The following HDHD2 variants were observed in gnomAD, a reference collection of about 807,000 sequenced individuals.
The protein encoded by HDHD2 is haloacid dehalogenase-like hydrolase domain-containing protein 2.
Under a neutral mutation model 24.8 loss-of-function variants are expected in HDHD2, and 26 were observed. That is an observed-to-expected ratio of 1.05 (90% CI 0.77 to 1.45). HDHD2 has a LOEUF of 1.45. Among genes scored for constraint, HDHD2 ranks in the 40% most tolerant of loss-of-function variants. The pLI, the probability that HDHD2 is intolerant of heterozygous loss-of-function variation, is 0.00. For missense variants in HDHD2, 299 were observed against 313.4 expected (o/e 0.95, Z 0.35); for synonymous variants, 128 against 114.9 (o/e 1.11, Z -0.73).
rs189316672 is a variant in HDHD2, at chr18:47,110,167, G to A, written c.677-1382C>T. The A allele has an allele frequency of 1.4e-4, 139 of 985,354 alleles. No homozygotes were observed. In the East Asian group the frequency reaches 3.4e-3, roughly 24 times the overall value. 61.0% of individuals were successfully genotyped at this position (985,354 alleles called of 1,614,324 possible). On this transcript the variant is annotated intron_variant, in intron 6 of 6. Transcript: ENST00000300605. ...ACTGTTTTCTACAACTACTTTAAGA[G>A]GCTTTGCCAGACAAACACAAAGCCT...
Position 47,130,308 on chromosome 18 carries a change from T to G in HDHD2, c.331A>C (p.Asn111His), listed in dbSNP as rs757071158. The G allele has an allele frequency of 6.2e-7, 1 of 1,601,724 alleles. No homozygotes were observed. ...GGTGCCAATCCCATGACCACAGCATTAGGATCACTTGTTTGTATTCCTGGG... is the reference window on the plus strand; with the variant it reads ...GGTGCCAATCCCATGACCACAGCATGAGGATCACTTGTTTGTATTCCTGGG... ...DFKGIQTSDP[N>H]AVVMGLAPEH... is the part of the protein sequence containing the mutation. The change falls in exon 4 of 7, where the codon AAT becomes CAT. Residue 111 changes from asparagine to histidine, a missense_variant. Coordinates refer to ENST00000300605, the MANE Select transcript of HDHD2 (RefSeq NM_032124.5).
At position 47,114,589 on chromosome 18, in the gene HDHD2, CA is replaced by C. The variant is rs1187217614; in HGVS notation, c.612+542del. On this transcript the variant is annotated intron_variant, in intron 5 of 6. Transcript: ENST00000300605. ...GGTAAACTGACAAGGTGCTCACGGC[CA>C]CAGGTGACCAGCCAGGGCCTCCAAT... Among the ~76,000 whole-genome samples, 3 of 152,174 alleles carry C rather than the reference CA, an allele frequency of 2.0e-5. No homozygotes were observed. In the East Asian group the frequency reaches 5.8e-4, roughly 29 times the overall value.
At chr18:47,118,018 A>G (rs2063571320) in intron 4 of HDHD2, among the ~76,000 whole-genome samples, 1 of 151,670 alleles carries the variant, frequency 6.6e-6, no homozygotes, top group African/African-American at 2.4e-5. Context: ...AATTACATAT[A>G]TATAATTATA....
intron 1 of HDHD2, among the ~76,000 whole-genome samples, chr18:47,138,874 T>C (rs1296958370): frequency 1.3e-5 from 2 of 152,218 alleles, no homozygotes; most frequent in Non-Finnish European, 2.9e-5. Flanking sequence ...AAGAACAATC[T>C]AAACAGGCCT....
At chr18:47,136,868 T>C in intron 1 of HDHD2, 1 of 387,104 alleles carries the variant, frequency 2.6e-6, no homozygotes, top group Non-Finnish European at 4.7e-6. Context: ...AATGCAAATA[T>C]TCTCATCGCC....
chr18:47,135,571 T>C (rs529019310), intron 2 of HDHD2, among the ~76,000 whole-genome samples: 7 of 152,322 alleles, frequency 4.6e-5, no homozygotes, highest in African/African-American at 1.4e-4. Flanking sequence ...TATGAGTCAC[T>C]AGATTTTCTG....
chr18:47,149,716 C>G (rs1330257302), intron 1 of HDHD2, among the ~76,000 whole-genome samples: 1 of 152,144 alleles, frequency 6.6e-6, no homozygotes, highest in African/African-American at 2.4e-5. Flanking sequence ...GGCGTGCCTC[C>G]TCTGGGTCCA....
In HDHD2 at chr18:47,136,430, A is replaced by ATGC. The variant is rs1009481818; in HGVS notation, c.7_9dup (p.Ala3dup). 1 of 1,612,712 alleles carries ATGC rather than the reference A, an allele frequency of 6.2e-7. No individual in the cohort carries two copies. The highest frequency in any genetic ancestry group is 8.5e-7 in the Non-Finnish European group (1 of 1,179,882). ...ACCAAAACAGCTTTTAATGCACGGCATGCTGCCATCCTTCATTCCCTAGGA... is the reference window on the plus strand; with the variant it reads ...ACCAAAACAGCTTTTAATGCACGGCATGCTGCTGCCATCCTTCATTCCCTAGGA... On this transcript the variant is annotated inframe_insertion, in exon 2 of 7. Transcript: ENST00000300605.
At chr18:47,112,546 T>C (rs1170805599) in intron 6 of HDHD2, among the ~76,000 whole-genome samples, 1 of 152,210 alleles carries the variant, frequency 6.6e-6, no homozygotes, top group Non-Finnish European at 1.5e-5. Context: ...TTCAAATATT[T>C]TTGTAAAAGT....
At chr18:47,123,999 C>T (rs1436812028) in intron 4 of HDHD2, among the ~76,000 whole-genome samples, 1 of 152,126 alleles carries the variant, frequency 6.6e-6, no homozygotes, top group East Asian at 1.9e-4. Context: ...GTATGAATGG[C>T]AAAAGTATAG....
intron 1 of HDHD2, among the ~76,000 whole-genome samples, chr18:47,140,207 T>C (rs1033507874): frequency 6.6e-6 from 1 of 152,224 alleles, no homozygotes; most frequent in Non-Finnish European, 1.5e-5. Context: ...TTTTATATTC[T>C]ACCAAAAGCA....
At chr18:47,148,433 C>T (rs534347017) in intron 1 of HDHD2, among the ~76,000 whole-genome samples, 2 of 152,336 alleles carry the variant, frequency 1.3e-5, no homozygotes, top group South Asian at 4.1e-4. Flanking sequence ...CCATACCCAT[C>T]TCCCATAATC....
At position 47,117,639 on chromosome 18, in the gene HDHD2, A is replaced by T. The variant is rs185082530; in HGVS notation, c.396-2291T>A. 5.9e-5 allele frequency among the ~76,000 whole-genome samples: 9 copies of T among 152,296 alleles called. No homozygotes were observed. In the East Asian group the frequency reaches 1.7e-3, roughly 29 times the overall value. On this transcript the variant is annotated intron_variant, in intron 4 of 6. Coordinates refer to ENST00000300605, the MANE Select transcript of HDHD2 (RefSeq NM_032124.5). ...GTAAAAAGATAGTTGTTTTTAATACAGAGATAATATGTCAGCAGAAAATCT... is the reference window on the plus strand; with the variant it reads ...GTAAAAAGATAGTTGTTTTTAATACTGAGATAATATGTCAGCAGAAAATCT...
intron 4 of HDHD2, among the ~76,000 whole-genome samples, 166 bp from the exon 5 acceptor site, chr18:47,115,514 G>T (rs571771440): frequency 3.3e-5 from 5 of 152,234 alleles, no homozygotes; most frequent in Non-Finnish European, 1.5e-5. Context: ...ACAAAGAACT[G>T]CTGGGAATTA....
Position 47,107,930 on chromosome 18 carries a change from C to G in HDHD2, c.*752G>C, listed in dbSNP as rs1304911504. ...TGTTAATAACAATGTCTAATTAAAA[C>G]ATCTGTAAAATACTGATAGTTTTAA... On this transcript the variant is annotated 3_prime_UTR_variant, in exon 7 of 7. Transcript: ENST00000300605. 1 of 152,628 alleles carries G rather than the reference C, an allele frequency of 6.6e-6. No homozygotes were observed. Among genetic ancestry groups the G allele is most frequent in the Non-Finnish European group, 1.5e-5 (1 of 68,032 alleles). 9.5% of individuals were successfully genotyped at this position (152,628 alleles called of 1,614,324 possible).
At chr18:47,147,987 TTTC>T (rs1412390853) in intron 1 of HDHD2, among the ~76,000 whole-genome samples, 2 of 112,456 alleles carry the variant, frequency 1.8e-5, no homozygotes, top group Non-Finnish European at 3.9e-5. Context: ...TTGTTTTTTC[TTTC>T]TTTTTTTTTT....
chr18:47,123,029 G>C (rs1218843657), intron 4 of HDHD2, among the ~76,000 whole-genome samples: 3 of 152,136 alleles, frequency 2.0e-5, no homozygotes, highest in Non-Finnish European at 2.9e-5. Flanking sequence ...CTATCACCAT[G>C]TTTATTAGGA....
chr18:47,128,846 A>G (rs1298243528), intron 4 of HDHD2, among the ~76,000 whole-genome samples: 1 of 152,230 alleles, frequency 6.6e-6, no homozygotes, highest in African/African-American at 2.4e-5. Flanking sequence ...TGAACAGCAA[A>G]CAATGTGCCC....
intron 4 of HDHD2, among the ~76,000 whole-genome samples, chr18:47,129,198 A>G (rs181425314): frequency 7.2e-5 from 11 of 152,326 alleles, no homozygotes; most frequent in African/African-American, 2.6e-4. Flanking sequence ...AAGAAAAGTC[A>G]CAATCTCATT....
Sources: gnomAD v4.1 joint callset for allele counts (sites outside exome capture counted in the v4.1 genomes callset) on GRCh38, gnomAD v4.1.1 for gene constraint, MANE v1.5 for transcripts, NCBI Gene and HGNC (gene_info 2026-07-23, HGNC 2026-07-21) for gene names.